HPSE2: variants seen among roughly 807,000 people sequenced by gnomAD.
The protein encoded by HPSE2 is heparanase 2 (inactive), also known as inactive heparanase-2.
In HPSE2, 38 loss-of-function variants were observed where a neutral mutation model predicts 60.5. The observed-to-expected ratio is 0.63, with a 90% CI of 0.48 to 0.82. HPSE2 has a LOEUF of 0.82. Among genes scored for constraint, HPSE2 ranks in the 40% least tolerant of loss-of-function variants. HPSE2 has a pLI of 0.00. For synonymous variants in HPSE2, 295 were observed against 293.2 expected (o/e 1.01, Z -0.06); for missense variants, 713 against 740.4 (o/e 0.96, Z 0.43).
At chr10:98,638,468 A>G (rs1336624171) in intron 7 of HPSE2, among the ~76,000 whole-genome samples, 1 of 152,166 alleles carries the variant, frequency 6.6e-6, no homozygotes, top group Non-Finnish European at 1.5e-5. Flanking sequence ...TTAAAAAAAC[A>G]TAAAACCTAA....
rs763154501 is a variant in HPSE2, at chr10:98,934,533, T to C, written c.611-190477A>G. Reference sequence around the variant, plus strand: ...AAAGATGTTATTTCTCTTCTGCTTATGAAACTTAGTTTGGCCAGATATGAA... The same window carrying C: ...AAAGATGTTATTTCTCTTCTGCTTACGAAACTTAGTTTGGCCAGATATGAA... On this transcript the variant is annotated intron_variant, in intron 3 of 11. Coordinates refer to ENST00000370552, the MANE Select transcript of HPSE2 (RefSeq NM_021828.5). Among the ~76,000 whole-genome samples, 5 of 144,672 alleles carry C rather than the reference T, an allele frequency of 3.5e-5. 1 individual carries two copies. Among genetic ancestry groups the C allele is most frequent in the Admixed American group, 6.9e-5 (1 of 14,592 alleles). The allele number at this position is 144,672 out of a possible 152,430, so 94.9% of individuals were successfully genotyped here. A position where few individuals can be genotyped will look rare whatever the true frequency, so the allele number is the denominator to read the frequency against.
chr10:99,315,877 T>C, the HPSE2 span, among the ~76,000 whole-genome samples: 17 of 152,188 alleles, frequency 1.1e-4, no homozygotes, highest in Non-Finnish European at 2.4e-4. Flanking sequence ...TTTCTTGGGA[T>C]AGTCCCTCCC....
At chr10:99,288,748 CAAAAAAAAAAA>C in the HPSE2 span, among the ~76,000 whole-genome samples, 1 of 75,806 alleles carries the variant, frequency 1.3e-5, no homozygotes, top group African/African-American at 6.0e-5. Context: ...CAGCCTCAAG[CAAAAAAAAAAA>C]AAAAAAAAAA....
chr10:98,880,396 A>G (rs980827813), intron 3 of HPSE2, among the ~76,000 whole-genome samples: 2 of 151,984 alleles, frequency 1.3e-5, no homozygotes, highest in Non-Finnish European at 2.9e-5. Context: ...CCTTTACTAC[A>G]TCACATCATG....
At chr10:98,480,931 C>G (rs370326287) in intron 11 of HPSE2, among the ~76,000 whole-genome samples, 18 of 152,294 alleles carry the variant, frequency 1.2e-4, no homozygotes, top group African/African-American at 4.3e-4. Flanking sequence ...CTTCGCTCCA[C>G]AAAAGAGGTT....
intron 5 of HPSE2, among the ~76,000 whole-genome samples, chr10:98,713,444 T>C (rs1482528655): frequency 1.3e-5 from 2 of 150,508 alleles, no homozygotes; most frequent in Non-Finnish European, 2.9e-5. Flanking sequence ...ATTGTAATTC[T>C]TTTTTTTAAC....
At chr10:98,808,659 C>A (rs559726526) in intron 3 of HPSE2, among the ~76,000 whole-genome samples, 2 of 152,064 alleles carry the variant, frequency 1.3e-5, no homozygotes, top group Non-Finnish European at 2.9e-5. Context: ...CTGAATAATG[C>A]AAACATCTGA....
chr10:99,075,831 G>C (rs1356601738), intron 3 of HPSE2, among the ~76,000 whole-genome samples: 2 of 151,722 alleles, frequency 1.3e-5, no homozygotes, highest in African/African-American at 4.8e-5. Flanking sequence ...GTCTTATATA[G>C]CCACTCTGCT....
chr10:99,196,883 A>G (rs944430412), intron 2 of HPSE2, among the ~76,000 whole-genome samples: 1 of 152,184 alleles, frequency 6.6e-6, no homozygotes, highest in African/African-American at 2.4e-5. Context: ...ATACCTCCCA[A>G]AAAAGCAAAT....
chr10:99,260,978 A>G, the HPSE2 span, among the ~76,000 whole-genome samples: 1 of 152,156 alleles, frequency 6.6e-6, no homozygotes, highest in African/African-American at 2.4e-5. Context: ...TACAAACTCG[A>G]CAGTGGTTCC....
the HPSE2 span, among the ~76,000 whole-genome samples, chr10:99,305,976 C>T: frequency 3.1e-5 from 4 of 127,274 alleles, no homozygotes; most frequent in East Asian, 2.2e-4. Flanking sequence ...CGCGCGCGCG[C>T]GCGCACACAC....
chr10:98,661,623 A>G (rs374652857), intron 6 of HPSE2, among the ~76,000 whole-genome samples: 4 of 152,178 alleles, frequency 2.6e-5, no homozygotes, highest in South Asian at 2.1e-4. Context: ...TCTTTGTTTC[A>G]TATCAGTCCA....
chr10:99,201,990 T>A lies in HPSE2; in HGVS notation c.448+30358A>T, dbSNP rs191295602. On this transcript the variant is annotated intron_variant, in intron 2 of 11. Coordinates refer to ENST00000370552, the MANE Select transcript of HPSE2 (RefSeq NM_021828.5). ...CACTTCCATACTCTAACCACAGCCA[T>A]CTCCTATTCTAGTAAATAAAACGAG... Among the ~76,000 whole-genome samples, 99 of 152,110 alleles carry A rather than the reference T, an allele frequency of 6.5e-4. 1 individual carries two copies. The East Asian group carries it at 0.017, about 27-fold the overall frequency.
At chr10:98,600,103 A>AT (rs1162712299) in intron 9 of HPSE2, among the ~76,000 whole-genome samples, 3 of 152,174 alleles carry the variant, frequency 2.0e-5, no homozygotes, top group African/African-American at 7.2e-5. Context: ...TCAGCAAATA[A>AT]TTTTTTAGTG....
intron 5 of HPSE2, among the ~76,000 whole-genome samples, chr10:98,699,745 G>A (rs78043515): frequency 0.66 from 73,316 of 110,436 alleles, 26,864 homozygotes; most frequent in South Asian, 0.92. Flanking sequence ...AGAAAATCCC[G>A]TTGTCTCAGC....
intron 2 of HPSE2, among the ~76,000 whole-genome samples, chr10:99,225,620 T>C (rs941700775): frequency 2.0e-5 from 3 of 152,102 alleles, no homozygotes; most frequent in African/African-American, 4.8e-5. Flanking sequence ...GCAGTTATTA[T>C]AACACAGTTT....
chr10:99,097,391 T>C (rs1193444007), intron 3 of HPSE2, among the ~76,000 whole-genome samples: 1 of 152,316 alleles, frequency 6.6e-6, no homozygotes, highest in Admixed American at 6.5e-5. Context: ...ATTTGAATAA[T>C]ATTAAAAAAT....
chr10:98,950,158 C>A (rs1955311706), intron 3 of HPSE2, among the ~76,000 whole-genome samples: 2 of 152,080 alleles, frequency 1.3e-5, no homozygotes, highest in Non-Finnish European at 2.9e-5. Flanking sequence ...TCAGAACAAG[C>A]AAGCAAGAAG....
intron 10 of HPSE2, among the ~76,000 whole-genome samples, chr10:98,484,475 T>G (rs904428390): frequency 1.3e-5 from 2 of 152,210 alleles, no homozygotes; most frequent in Non-Finnish European, 2.9e-5. Context: ...TGACCTCAAG[T>G]GATCACCCGC....
Sources: allele counts gnomAD v4.1 joint callset (sites outside exome capture counted in the v4.1 genomes callset), GRCh38; gene constraint gnomAD v4.1.1; transcripts MANE v1.5; gene names NCBI Gene and HGNC (gene_info 2026-07-23, HGNC 2026-07-21).